The following PTPRD variants were observed in gnomAD, a reference collection of about 807,000 sequenced individuals.
PTPRD encodes the protein protein tyrosine phosphatase receptor type D, also known as receptor-type tyrosine-protein phosphatase delta.
In PTPRD, 34 loss-of-function variants were observed where a neutral mutation model predicts 214.5. That is an observed-to-expected ratio of 0.16 (90% CI 0.12 to 0.21). The LOEUF (loss-of-function observed/expected upper bound fraction) is 0.21, where lower values mean the gene tolerates loss of function less well. PTPRD is among the 10% of genes least tolerant of loss of function. PTPRD has a pLI of 1.00. For synonymous variants in PTPRD, 1,128 were observed against 845.7 expected, an observed-to-expected ratio of 1.33 and a Z score of -5.79; for missense variants, 2,545 against 2,398.7, an observed-to-expected ratio of 1.06 and a Z score of -1.27.
chr9:8,643,060 C>A (rs1041880339), intron 12 of PTPRD, among the ~76,000 whole-genome samples: 3 of 152,134 alleles, frequency 2.0e-5, no homozygotes, highest in Admixed American at 6.5e-5. Flanking sequence ...CTGTTGACAT[C>A]TGTGGTCAGG....
At chr9:9,015,281 C>G (rs1462196847) in intron 11 of PTPRD, among the ~76,000 whole-genome samples, 7 of 152,044 alleles carry the variant, frequency 4.6e-5, no homozygotes, top group Non-Finnish European at 1.0e-4. Context: ...GAGGTCAACA[C>G]AAGATACAGA....
intron 9 of PTPRD, among the ~76,000 whole-genome samples, chr9:9,236,334 C>A (rs2099966702): frequency 6.6e-6 from 1 of 151,978 alleles, no homozygotes; most frequent in Non-Finnish European, 1.5e-5. Flanking sequence ...TTTCTGATAC[C>A]TATGGGAAAA....
chr9:10,030,601 G>A (rs923273563), intron 4 of PTPRD, among the ~76,000 whole-genome samples: 1 of 152,160 alleles, frequency 6.6e-6, no homozygotes, highest in Non-Finnish European at 1.5e-5. Context: ...CTGGGAGAAG[G>A]AAAGGCTCAG....
intron 9 of PTPRD, among the ~76,000 whole-genome samples, chr9:9,259,605 C>T (rs2099979209): frequency 6.6e-6 from 1 of 151,914 alleles, no homozygotes; most frequent in African/African-American, 2.4e-5. Context: ...TTGAACACTA[C>T]CAGAACTCTA....
At chr9:8,622,728 T>A (rs180984665) in intron 14 of PTPRD, among the ~76,000 whole-genome samples, 17 of 152,008 alleles carry the variant, frequency 1.1e-4, no homozygotes, top group Admixed American at 8.5e-4. Context: ...CTATCCGAGA[T>A]GTGGAAGCAA....
At chr9:8,935,368 A>G (rs535918111) in intron 11 of PTPRD, among the ~76,000 whole-genome samples, 2 of 152,056 alleles carry the variant, frequency 1.3e-5, no homozygotes, top group Non-Finnish European at 1.5e-5. Flanking sequence ...AAGAACAAAC[A>G]AACAAACAAT....
intron 3 of PTPRD, among the ~76,000 whole-genome samples, chr9:10,311,326 T>A (rs532019027): frequency 6.6e-6 from 1 of 152,140 alleles, no homozygotes; most frequent in Non-Finnish European, 1.5e-5. Context: ...AGGAAGCTTA[T>A]AATTATATGT....
At chr9:9,726,591 A>G (rs561970222) in intron 7 of PTPRD, among the ~76,000 whole-genome samples, 1 of 152,328 alleles carries the variant, frequency 6.6e-6, no homozygotes, top group East Asian at 1.9e-4. Context: ...ATTTCATTTC[A>G]GGAATCTCAA....
chr9:9,927,904 G>A (rs763068287), intron 5 of PTPRD, among the ~76,000 whole-genome samples: 14 of 152,208 alleles, frequency 9.2e-5, no homozygotes, highest in Non-Finnish European at 1.6e-4. Flanking sequence ...AGAGGTTGGC[G>A]AGTAGAAAGC....
intron 3 of PTPRD, among the ~76,000 whole-genome samples, chr9:10,280,887 T>G (rs1157462341): frequency 6.6e-6 from 1 of 152,094 alleles, no homozygotes; most frequent in African/African-American, 2.4e-5. Context: ...GGTGCTAAGA[T>G]TACAAGTGTG....
At chr9:8,861,574 C>G (rs578119778) in intron 11 of PTPRD, 26 of 152,096 alleles carry the variant, frequency 1.7e-4, no homozygotes, top group African/African-American at 5.8e-4. Flanking sequence ...GGAAACAGGA[C>G]GAGAGAGGAT....
At chr9:8,994,841 T>C (rs1029975549) in intron 11 of PTPRD, among the ~76,000 whole-genome samples, 2 of 152,078 alleles carry the variant, frequency 1.3e-5, no homozygotes, top group African/African-American at 2.4e-5. Flanking sequence ...TTTCATCTTA[T>C]ATGCAACTAA....
chr9:9,056,249 A>G (rs1446398392), intron 10 of PTPRD, among the ~76,000 whole-genome samples: 1 of 152,206 alleles, frequency 6.6e-6, no homozygotes, highest in African/African-American at 2.4e-5. Flanking sequence ...GAAAAGATGA[A>G]CATCTATTAA....
At chr9:9,013,772 T>C (rs1380385046) in intron 11 of PTPRD, among the ~76,000 whole-genome samples, 1 of 152,186 alleles carries the variant, frequency 6.6e-6, no homozygotes, top group Non-Finnish European at 1.5e-5. Flanking sequence ...CCACTGTTTT[T>C]TCCAGTGGTG....
Position 8,964,000 on chromosome 9 carries a change from C to G in PTPRD, c.-104+54697G>C, listed in dbSNP as rs562415589. ...TGTCTATGTTTATCAGGGATGTTGGCCTGTAGTTTTCTTTTTTGTTGTTTC... is the reference window on the plus strand; with the variant it reads ...TGTCTATGTTTATCAGGGATGTTGGGCTGTAGTTTTCTTTTTTGTTGTTTC... On this transcript the variant is annotated intron_variant, in intron 11 of 45. Coordinates refer to ENST00000381196, the MANE Select transcript of PTPRD (RefSeq NM_002839.4). Among the ~76,000 whole-genome samples the G allele has an allele frequency of 2.0e-5, 3 of 151,954 alleles. No individual in the cohort carries two copies. In the South Asian group the frequency reaches 6.2e-4, roughly 32 times the overall value.
At chr9:9,149,728 G>T (rs2154486982) in intron 10 of PTPRD, among the ~76,000 whole-genome samples, 1 of 152,178 alleles carries the variant, frequency 6.6e-6, no homozygotes, top group African/African-American at 2.4e-5. Flanking sequence ...GTCAATAAAG[G>T]CATTCTTGTC....
intron 2 of PTPRD, among the ~76,000 whole-genome samples, chr9:10,479,660 A>AATAAATAAATAGAT (rs763212006): frequency 2.2e-5 from 2 of 90,896 alleles, no homozygotes; most frequent in African/African-American, 6.8e-5. Flanking sequence ...TAAATAAATA[A>AATAAATAAATAGAT]ACAAAAATAC....
chr9:10,446,128 C>G (rs2098797273), intron 2 of PTPRD, among the ~76,000 whole-genome samples: 1 of 151,978 alleles, frequency 6.6e-6, no homozygotes. Context: ...TTCTCCACCC[C>G]ACCCCCTTTG....
intron 39 of PTPRD, among the ~76,000 whole-genome samples, chr9:8,353,962 A>G (rs1192996868): frequency 0.13 from 5,113 of 39,290 alleles, 592 homozygotes; most frequent in African/African-American, 0.17. Context: ...ATATATATAT[A>G]TGTTTTTTTT....
Sources: allele counts gnomAD v4.1 joint callset (sites outside exome capture counted in the v4.1 genomes callset), GRCh38; gene constraint gnomAD v4.1.1; transcripts MANE v1.5; gene names NCBI Gene and HGNC (gene_info 2026-07-23, HGNC 2026-07-21).